Variants in SMIM22 observed in about 807,000 individuals in gnomAD.
SMIM22 encodes small integral membrane protein 22.
SMIM22 carries 16 observed loss-of-function variants against 8.4 expected under a neutral mutation model. The ratio of observed to expected loss-of-function variants is 1.90; its 90% CI spans 1.29 to 2.89. SMIM22 has a LOEUF of 2.89. Ranked by LOEUF, SMIM22 falls within the 30% of genes most tolerant of loss-of-function variation. The probability of loss-of-function intolerance (pLI) is 0.00; values close to 1 mark genes in which losing one functional copy is unlikely to be tolerated. For synonymous variants in SMIM22, 67 were observed against 47.6 expected (o/e 1.41, Z -1.68); for missense variants, 159 against 107.5 (o/e 1.48, Z -2.12).
upstream of SMIM22, among the ~76,000 whole-genome samples, chr16:4,791,850 G>A (rs1366279008): frequency 6.6e-6 from 1 of 152,080 alleles, no homozygotes; most frequent in East Asian, 1.9e-4. Context: ...ACCACGCCCG[G>A]CTAATTTTTG....
chr16:4,788,590 C>G (rs1420994072), intron 1 of SMIM22: 9 of 152,214 alleles, frequency 5.9e-5, no homozygotes, highest in Admixed American at 5.9e-4. Context: ...GTGAGCAAAC[C>G]CAGGCCCCAC....
In SMIM22 at chr16:4,796,242, C is replaced by A. The variant is rs1170679328; in HGVS notation, c.*11C>A. 6.5e-7 allele frequency: 1 copy of A among 1,535,600 alleles called. No homozygotes were observed. Among genetic ancestry groups the A allele is most frequent in the Non-Finnish European group, 8.7e-7 (1 of 1,146,710 alleles). ...GCCCTGGAACCCTGACCCTGTGTCT[C>A]CTGCCCGGTGGCAGTAACAAAGCCT... On this transcript the variant is annotated 3_prime_UTR_variant, in exon 4 of 4. Coordinates refer to ENST00000586005, the MANE Select transcript of SMIM22 (RefSeq NM_001253794.2).
At chr16:4,791,928 C>G (rs1328138554), upstream of SMIM22, among the ~76,000 whole-genome samples, 3 of 152,170 alleles carry the variant, frequency 2.0e-5, no homozygotes, top group African/African-American at 2.4e-5. Context: ...CTCAGGTGAT[C>G]TGCCCACCTC....
intron 2 of SMIM22, 34 bp from the exon 3 acceptor site, chr16:4,795,914 T>G (rs1751009569): frequency 6.5e-7 from 1 of 1,528,420 alleles, no homozygotes; most frequent in Non-Finnish European, 8.8e-7. Flanking sequence ...GGCTCCAGGT[T>G]GGGGCCACAC....
upstream of SMIM22, among the ~76,000 whole-genome samples, chr16:4,794,791 G>A (rs936431258): frequency 3.3e-5 from 5 of 152,190 alleles, no homozygotes; most frequent in African/African-American, 1.2e-4. Flanking sequence ...CCTGATCTAA[G>A]TAAGTGATCT....
Position 4,796,040 on chromosome 16 carries a change from C to A in SMIM22, c.217C>A (p.Pro73Thr). 6.5e-7 allele frequency: 1 copy of A among 1,529,292 alleles called. No individual in the cohort carries two copies. The highest frequency in any genetic ancestry group is 8.8e-7 in the Non-Finnish European group (1 of 1,142,530). The allele number at this position is 1,529,292 out of a possible 1,614,324, so 94.7% of individuals were successfully genotyped here. The change falls in exon 3 of 4, where the codon CCC becomes ACC. Residue 73 changes from proline to threonine, a missense_variant. Physicochemically the swap from Pro to Thr is conservative, Grantham distance 38. Transcript: ENST00000586005. ...PRRESPRKVS[P>T]WKERPKGVDN... ...CAGGGAAAGCCCCAGGAAGGTGAGCCCCTGGAAGGTGAGCCCTGCCGGCCT... is the reference window on the plus strand; with the variant it reads ...CAGGGAAAGCCCCAGGAAGGTGAGCACCTGGAAGGTGAGCCCTGCCGGCCT...
chr16:4,792,378 G>T (rs560809336), upstream of SMIM22, among the ~76,000 whole-genome samples: 1 of 151,306 alleles, frequency 6.6e-6, no homozygotes, highest in East Asian at 2.0e-4. Flanking sequence ...TTTTAGTAGA[G>T]ACGGGGTTTC....
chr16:4,792,977 CAG>C (rs2082575597), upstream of SMIM22, among the ~76,000 whole-genome samples: 1 of 151,696 alleles, frequency 6.6e-6, no homozygotes, highest in Non-Finnish European at 1.5e-5. Flanking sequence ...GGCGTGGTGG[CAG>C]GTGCCTGTAA....
At position 4,796,391 on chromosome 16, in the gene SMIM22, G is replaced by C; in HGVS notation, c.*160G>C. On this transcript the variant is annotated 3_prime_UTR_variant, in exon 4 of 4. Transcript: ENST00000586005. ...CCAAGCCTTCAGTCAGCACGACTGTGCCAGGTCATCCTCAGTCACCTAGCT... is the reference window on the plus strand; with the variant it reads ...CCAAGCCTTCAGTCAGCACGACTGTCCCAGGTCATCCTCAGTCACCTAGCT... 1.2e-6 allele frequency: 1 copy of C among 812,648 alleles called. No homozygotes were observed. The highest frequency in any genetic ancestry group is 2.7e-5 in the East Asian group (1 of 37,104). 50.3% of individuals were successfully genotyped at this position (812,648 alleles called of 1,614,324 possible). A position where few individuals can be genotyped will look rare whatever the true frequency, so the allele number is the denominator to read the frequency against.
upstream of SMIM22, among the ~76,000 whole-genome samples, chr16:4,792,795 A>G (rs2082572081): frequency 7.0e-6 from 1 of 143,736 alleles, no homozygotes; most frequent in Admixed American, 7.0e-5. Context: ...GGGTGACAGC[A>G]AGACTCCGTC....
upstream of SMIM22, among the ~76,000 whole-genome samples, chr16:4,792,884 T>C (rs1394847900): frequency 7.3e-6 from 1 of 136,234 alleles, no homozygotes; most frequent in African/African-American, 2.8e-5. Flanking sequence ...CCAAGGTGGG[T>C]GAATCACCTG....
upstream of SMIM22, chr16:4,788,434 G>C (rs2082495594): frequency 6.6e-6 from 1 of 152,474 alleles, no homozygotes; most frequent in South Asian, 2.1e-4. Context: ...CTTCTCTGCA[G>C]CAGGAGCAGG....
At chr16:4,789,052 T>C (rs1283747199) in intron 2 of SMIM22, among the ~76,000 whole-genome samples, 1 of 152,240 alleles carries the variant, frequency 6.6e-6, no homozygotes, top group Non-Finnish European at 1.5e-5. Flanking sequence ...ACAGCCTCGC[T>C]CTGTTGCCCT....
At chr16:4,791,100 G>C (rs1049216304), upstream of SMIM22, among the ~76,000 whole-genome samples, 5 of 152,230 alleles carry the variant, frequency 3.3e-5, no homozygotes, top group African/African-American at 9.6e-5. Flanking sequence ...ATGCGCCTCT[G>C]TGCAGAGAAA....
rs1005975337 is a variant in SMIM22, at chr16:4,795,947, G to T, written c.125-1G>T. The T allele has an allele frequency of 6.6e-7, 1 of 1,510,954 alleles. No individual in the cohort carries two copies. Among genetic ancestry groups the T allele is most frequent in the South Asian group, 1.3e-5 (1 of 79,894 alleles). 93.6% of individuals were successfully genotyped at this position (1,510,954 alleles called of 1,614,324 possible). ...CACCTGGACGCCTGTCCTGTCCCCA[G>T]GCACCGTGCTGCTCCTGCTGCTGCT... On this transcript the variant is annotated splice_acceptor_variant, in intron 2 of 3. Coordinates refer to ENST00000586005, the MANE Select transcript of SMIM22 (RefSeq NM_001253794.2). LOFTEE classifies it high-confidence loss of function.
chr16:4,793,835 G>T (rs1350646707), upstream of SMIM22, among the ~76,000 whole-genome samples: 1 of 152,188 alleles, frequency 6.6e-6, no homozygotes, highest in Non-Finnish European at 1.5e-5. Context: ...AGAGTGCAGT[G>T]GTGCCATCTT....
At chr16:4,791,747 G>A (rs1462500829), upstream of SMIM22, among the ~76,000 whole-genome samples, 1 of 152,184 alleles carries the variant, frequency 6.6e-6, no homozygotes, top group Non-Finnish European at 1.5e-5. Context: ...GAGTGCAGTG[G>A]CGAGATCTTG....
At chr16:4,796,102 G>A (rs1283501448) in intron 3 of SMIM22, 54 bp downstream of exon 3, 18 of 1,536,004 alleles carry the variant, frequency 1.2e-5, no homozygotes, top group Non-Finnish European at 1.5e-5. Flanking sequence ...GGGTGGAGGC[G>A]GAAGGTGAGG....
chr16:4,793,109 C>CAA (rs3085033), upstream of SMIM22, among the ~76,000 whole-genome samples: 22,235 of 67,144 alleles, frequency 0.33, 2,723 homozygotes, highest in South Asian at 0.45. Context: ...AACTCTGTCT[C>CAA]AAAAAAAAAA....
Sources: allele counts gnomAD v4.1 joint callset (sites outside exome capture counted in the v4.1 genomes callset), GRCh38; gene constraint gnomAD v4.1.1; transcripts MANE v1.5; gene names NCBI Gene and HGNC (gene_info 2026-07-23, HGNC 2026-07-21).